The following SHQ1 variants were observed in gnomAD, a reference collection of about 807,000 sequenced individuals.
The protein encoded by SHQ1 is protein SHQ1 homolog.
A neutral mutation model predicts 53.8 loss-of-function variants in SHQ1; 49 were observed. The observed-to-expected ratio is 0.91, with a 90% confidence interval of 0.72 to 1.16. SHQ1 has a LOEUF of 1.16. SHQ1 is among the 50% of genes most tolerant of loss of function. The pLI is 0.00. For synonymous variants in SHQ1, 243 were observed against 251.0 expected (o/e 0.97, Z 0.30); for missense variants, 738 against 683.1 (o/e 1.08, Z -0.90).
intron 10 of SHQ1, chr3:72,753,726 G>T: frequency 1.4e-6 from 1 of 690,256 alleles, no homozygotes; most frequent in Non-Finnish European, 1.8e-6. Context: ...ATTCACCAAA[G>T]CATTATAACC....
chr3:72,732,356 GCC>G, the SHQ1 span, among the ~76,000 whole-genome samples: 1 of 116,990 alleles, frequency 8.5e-6, no homozygotes, highest in South Asian at 3.1e-4. Flanking sequence ...ATGCCTGCCT[GCC>G]TGCCTGCCTG....
At position 72,749,456 on chromosome 3, in the gene SHQ1, A is replaced by ACTGAGTAAAATATGC; in HGVS notation, c.*813_*827dup. On this transcript the variant is annotated 3_prime_UTR_variant, in exon 11 of 11. Coordinates refer to ENST00000325599, the MANE Select transcript of SHQ1 (RefSeq NM_018130.3). ...CATGGATGAATCTCAAAATAACTAT[A>ACTGAGTAAAATATGC]CTGAGTAAAATATGCCTGACCAAAA... The ACTGAGTAAAATATGC allele has an allele frequency of 4.6e-6, 1 of 217,396 alleles. No individual in the cohort carries two copies. The highest frequency in any genetic ancestry group is 9.3e-6 in the Non-Finnish European group (1 of 108,054). The allele number at this position is 217,396 out of a possible 1,614,324, so 13.5% of individuals were successfully genotyped here. A position where few individuals can be genotyped will look rare whatever the true frequency, so the allele number is the denominator to read the frequency against.
At position 72,749,706 on chromosome 3, in the gene SHQ1, T is replaced by C. The variant is rs935406899; in HGVS notation, c.*578A>G. ...AATAAAAATATTGATGGGCTCTACA[T>C]TCTGGAGACACGGGCAGTAGAACTA... On this transcript the variant is annotated 3_prime_UTR_variant, in exon 11 of 11. Coordinates refer to ENST00000325599, the MANE Select transcript of SHQ1 (RefSeq NM_018130.3). 27 of 215,734 alleles carry C rather than the reference T, an allele frequency of 1.3e-4. No homozygotes were observed. Among genetic ancestry groups the C allele is most frequent in the Non-Finnish European group, 2.8e-5 (3 of 107,296 alleles). 13.4% of individuals were successfully genotyped at this position (215,734 alleles called of 1,614,324 possible).
chr3:72,760,863 C>A (rs9868382), intron 10 of SHQ1, among the ~76,000 whole-genome samples: 3,088 of 152,206 alleles, frequency 0.02, 109 homozygotes, highest in African/African-American at 0.072. Flanking sequence ...AAGTCCCTGG[C>A]AGAAAATAAC....
chr3:72,753,304 T>C (rs776027789), intron 10 of SHQ1: 11 of 985,332 alleles, frequency 1.1e-5, no homozygotes, highest in Admixed American at 6.1e-5. Flanking sequence ...TGTAAAAGTA[T>C]AGTCCATCCC....
chr3:72,795,466 C>T (rs1175152313), intron 9 of SHQ1: 1 of 152,116 alleles, frequency 6.6e-6, no homozygotes, highest in African/African-American at 2.4e-5. Context: ...CATGATGAAA[C>T]CATGTTTGCC....
chr3:72,773,253 GAGAA>G, intron 10 of SHQ1: 1 of 679,600 alleles, frequency 1.5e-6, no homozygotes, highest in African/African-American at 1.8e-5. Context: ...GAAGGAGAAT[GAGAA>G]AGAGACAAGA....
At chr3:72,844,251 T>C (rs1708263683) in intron 2 of SHQ1, 108 bp downstream of exon 2, 7 of 854,204 alleles carry the variant, frequency 8.2e-6, no homozygotes, top group Non-Finnish European at 1.3e-5. Context: ...TAGGAACAGA[T>C]TGTATTTGAA....
intron 4 of SHQ1, among the ~76,000 whole-genome samples, chr3:72,837,348 G>A (rs1262719693): frequency 1.3e-5 from 2 of 152,136 alleles, no homozygotes; most frequent in South Asian, 2.1e-4. Context: ...AACAAATCCT[G>A]TCTAAAAAGT....
At chr3:72,788,465 C>T (rs1007942297) in intron 10 of SHQ1, among the ~76,000 whole-genome samples, 6 of 151,296 alleles carry the variant, frequency 4.0e-5, no homozygotes, top group African/African-American at 1.2e-4. Context: ...AAGTGAGGAG[C>T]GTCTCCGCCC....
At chr3:72,727,498 G>A in the SHQ1 span, among the ~76,000 whole-genome samples, 1 of 152,224 alleles carries the variant, frequency 6.6e-6, no homozygotes, top group Admixed American at 6.5e-5. Context: ...AAAGTGAAGA[G>A]AAGCCAAAGG....
At position 72,814,283 on chromosome 3, in the gene SHQ1, C is replaced by T. The variant is rs79932332; in HGVS notation, c.936+1067G>A. 1.1e-3 allele frequency among the ~76,000 whole-genome samples: 161 copies of T among 152,284 alleles called. 1 individual carries two copies. In the East Asian group the frequency reaches 0.028, roughly 27 times the overall value. ...TATTAATAAATGCTAACACAGAAAC[C>T]GATTCCTCTATTATATGCTGATCAT... On this transcript the variant is annotated intron_variant, in intron 8 of 10. Coordinates refer to ENST00000325599, the MANE Select transcript of SHQ1 (RefSeq NM_018130.3).
chr3:72,787,251 A>G (rs1706260668), intron 10 of SHQ1, among the ~76,000 whole-genome samples: 1 of 152,258 alleles, frequency 6.6e-6, no homozygotes, highest in Non-Finnish European at 1.5e-5. Flanking sequence ...AGTTTAATGC[A>G]AAGAGGGTTT....
intron 9 of SHQ1, among the ~76,000 whole-genome samples, chr3:72,807,503 T>C (rs1706988318): frequency 6.6e-6 from 1 of 152,250 alleles, no homozygotes; most frequent in Non-Finnish European, 1.5e-5. Flanking sequence ...AAGTTAAATA[T>C]AGATAAATGT....
At chr3:72,791,530 A>C (rs1559673721) in intron 10 of SHQ1, among the ~76,000 whole-genome samples, 1 of 152,236 alleles carries the variant, frequency 6.6e-6, no homozygotes, top group Non-Finnish European at 1.5e-5. Context: ...AATAAAAAAT[A>C]AATCCCATAT....
intron 3 of SHQ1, 35 bp from the exon 4 acceptor site, chr3:72,841,234 T>A (rs1283337826): frequency 6.5e-7 from 1 of 1,547,530 alleles, no homozygotes; most frequent in Non-Finnish European, 8.8e-7. Context: ...TTTTAAGTAT[T>A]GGATTTAAGT....
chr3:72,845,595 C>A (rs1449092357), intron 1 of SHQ1, among the ~76,000 whole-genome samples: 1 of 152,156 alleles, frequency 6.6e-6, no homozygotes, highest in Admixed American at 6.5e-5. Flanking sequence ...AAACAGGAAT[C>A]TAATTGTCAC....
the SHQ1 span, among the ~76,000 whole-genome samples, chr3:72,726,094 C>A: frequency 6.6e-6 from 1 of 152,092 alleles, no homozygotes; most frequent in Admixed American, 6.5e-5. Context: ...ACATTAAGAT[C>A]CAGTCTCTAC....
intron 10 of SHQ1, among the ~76,000 whole-genome samples, chr3:72,775,296 T>C (rs1372990618): frequency 6.6e-6 from 1 of 151,958 alleles, no homozygotes; most frequent in Non-Finnish European, 1.5e-5. Context: ...AACAACTCTA[T>C]GCCAGAAAGT....
Sources: gnomAD v4.1 joint callset for allele counts (sites outside exome capture counted in the v4.1 genomes callset) on GRCh38, gnomAD v4.1.1 for gene constraint, MANE v1.5 for transcripts, NCBI Gene and HGNC (gene_info 2026-07-23, HGNC 2026-07-21) for gene names.